Variants in DOK6 observed in about 807,000 individuals in gnomAD.
DOK6 encodes the protein docking protein 6, also known as downstream of tyrosine kinase 6.
Under a neutral mutation model 44.0 loss-of-function variants are expected in DOK6, and 22 were observed. The observed-to-expected ratio is 0.50, with a 90% CI of 0.36 to 0.71. The LOEUF (loss-of-function observed/expected upper bound fraction) is 0.71, where lower values mean the gene tolerates loss of function less well. DOK6 is among the 30% of genes least tolerant of loss of function. DOK6 has a pLI of 0.00. For synonymous variants in DOK6, 166 were observed against 145.5 expected (o/e 1.14, Z -1.01); for missense variants, 340 against 416.4 (o/e 0.82, Z 1.60).
intron 2 of DOK6, among the ~76,000 whole-genome samples, 194 bp downstream of exon 2, chr18:69,564,788 A>G (rs995198393): frequency 6.6e-6 from 1 of 152,156 alleles, no homozygotes; most frequent in African/African-American, 2.4e-5. Flanking sequence ...TCTGTGCAAA[A>G]CCAAAGACTC....
intron 7 of DOK6, among the ~76,000 whole-genome samples, chr18:69,772,326 A>C (rs566283039): frequency 7.2e-5 from 11 of 152,212 alleles, no homozygotes; most frequent in Non-Finnish European, 1.3e-4. Context: ...ATCCCCAAAA[A>C]AATCCCAAGG....
intron 2 of DOK6, among the ~76,000 whole-genome samples, chr18:69,569,608 G>A (rs12957120): frequency 6.6e-6 from 1 of 152,164 alleles, no homozygotes; most frequent in East Asian, 1.9e-4. Context: ...ATTAGAATGG[G>A]ATTTAAAACC....
chr18:69,725,468 C>T (rs755786685), intron 5 of DOK6, among the ~76,000 whole-genome samples: 1 of 152,098 alleles, frequency 6.6e-6, no homozygotes, highest in Non-Finnish European at 1.5e-5. Context: ...AAAGTGTGTT[C>T]ATTTTTATTT....
In DOK6 at chr18:69,774,133, G is replaced by GATATATATAGATATAT. The variant is rs1555670144; in HGVS notation, c.856+16269_856+16270insGATATATATATATATA. Reference sequence around the variant, plus strand: ...TAGATTTATATAGATATATATATGAGATATATATATATATATATATATAAT... The same window carrying GATATATATAGATATAT: ...TAGATTTATATAGATATATATATGAGATATATATAGATATATATATATATATATATATATATATAAT... On this transcript the variant is annotated intron_variant, in intron 7 of 7. Coordinates refer to ENST00000382713, the MANE Select transcript of DOK6 (RefSeq NM_152721.6). Among the ~76,000 whole-genome samples, 62 of 66,896 alleles carry GATATATATAGATATAT rather than the reference G, an allele frequency of 9.3e-4. 6 individuals carry two copies. In the East Asian group the frequency reaches 0.04, roughly 43 times the overall value. 43.9% of individuals were successfully genotyped at this position (66,896 alleles called of 152,430 possible). A position where few individuals can be genotyped will look rare whatever the true frequency, so the allele number is the denominator to read the frequency against.
chr18:69,834,884 T>A (rs537279233), intron 7 of DOK6, among the ~76,000 whole-genome samples: 1 of 152,266 alleles, frequency 6.6e-6, no homozygotes, highest in South Asian at 2.1e-4. Context: ...TGACTCACAG[T>A]TTTGCATGGC....
At chr18:69,627,695 C>T (rs369683771) in intron 3 of DOK6, among the ~76,000 whole-genome samples, 20 of 152,158 alleles carry the variant, frequency 1.3e-4, no homozygotes, top group Admixed American at 9.2e-4. Context: ...GTGATCCGCC[C>T]GCCTCGGCCT....
At chr18:69,566,209 C>A (rs1167946313) in intron 2 of DOK6, among the ~76,000 whole-genome samples, 1 of 152,140 alleles carries the variant, frequency 6.6e-6, no homozygotes. Context: ...GCGATCTCGG[C>A]TCACTGTAAG....
intron 3 of DOK6, among the ~76,000 whole-genome samples, chr18:69,608,565 G>A (rs772758373): frequency 3.9e-5 from 6 of 152,068 alleles, no homozygotes; most frequent in Non-Finnish European, 5.9e-5. Context: ...GAGAGGGATT[G>A]CACTGAATCT....
At chr18:69,679,753 T>A (rs1016417504) in intron 4 of DOK6, among the ~76,000 whole-genome samples, 1 of 152,360 alleles carries the variant, frequency 6.6e-6, no homozygotes, top group South Asian at 2.1e-4. Flanking sequence ...GAGATATATA[T>A]GGTTTCCATC....
At chr18:69,612,440 A>AC (rs1568311253) in intron 3 of DOK6, among the ~76,000 whole-genome samples, 28 of 146,854 alleles carry the variant, frequency 1.9e-4, no homozygotes, top group Admixed American at 4.7e-4. Flanking sequence ...CATGTGTGCG[A>AC]GGGCGCATGT....
At chr18:69,797,513 T>C (rs533300278) in intron 7 of DOK6, among the ~76,000 whole-genome samples, 1 of 152,276 alleles carries the variant, frequency 6.6e-6, no homozygotes, top group Non-Finnish European at 1.5e-5. Flanking sequence ...CAGTTTTTAG[T>C]CTACTAATTT....
chr18:69,730,534 G>A (rs1433336459), intron 5 of DOK6, among the ~76,000 whole-genome samples: 1 of 152,112 alleles, frequency 6.6e-6, no homozygotes, highest in Non-Finnish European at 1.5e-5. Context: ...TTGATAGGGA[G>A]ATATTTACTC....
intron 1 of DOK6, among the ~76,000 whole-genome samples, chr18:69,454,944 G>C (rs371585346): frequency 7.2e-6 from 1 of 139,836 alleles, no homozygotes; most frequent in East Asian, 2.2e-4. Context: ...AGCATTGGGA[G>C]ATATACCTAA....
chr18:69,528,556 T>C lies in DOK6; in HGVS notation c.67-35931T>C, dbSNP rs1226931300. Among the ~76,000 whole-genome samples, 3 of 150,174 alleles carry C rather than the reference T, an allele frequency of 2.0e-5. No homozygotes were observed. The East Asian group carries it at 5.8e-4, about 29-fold the overall frequency. ...GACTCATTGCTGGTAAGAATACTTCTCCTAAGGAAAGCTCTAATCTTGCCA... is the reference window on the plus strand; with the variant it reads ...GACTCATTGCTGGTAAGAATACTTCCCCTAAGGAAAGCTCTAATCTTGCCA... On this transcript the variant is annotated intron_variant, in intron 1 of 7. Transcript: ENST00000382713.
intron 3 of DOK6, among the ~76,000 whole-genome samples, chr18:69,638,001 T>C (rs1984848918): frequency 6.6e-6 from 1 of 152,166 alleles, no homozygotes; most frequent in Admixed American, 6.5e-5. Context: ...AGCGTCGTAC[T>C]CTAGGCCCAC....
chr18:69,488,971 A>C (rs965227075), intron 1 of DOK6, among the ~76,000 whole-genome samples: 1 of 152,240 alleles, frequency 6.6e-6, no homozygotes, highest in Non-Finnish European at 1.5e-5. Context: ...TGATTGGCTC[A>C]GCTCTTATTG....
At chr18:69,739,861 A>G (rs1978741707) in intron 6 of DOK6, among the ~76,000 whole-genome samples, 1 of 152,136 alleles carries the variant, frequency 6.6e-6, no homozygotes, top group Admixed American at 6.5e-5. Flanking sequence ...GGAAGCATCT[A>G]TAATTCTCTT....
At chr18:69,611,495 T>TACACACACACACACACACACACAC (rs58620722) in intron 3 of DOK6, among the ~76,000 whole-genome samples, 1 of 150,802 alleles carries the variant, frequency 6.6e-6, no homozygotes, top group Non-Finnish European at 1.5e-5. Flanking sequence ...CAAGTACACG[T>TACACACACACACACACACACACAC]ACACACACAC....
rs529213613 is a variant in DOK6 at position 69,568,349 on chromosome 18, T to A, written c.174+3755T>A. Among the ~76,000 whole-genome samples, 15 of 152,322 alleles carry A rather than the reference T, an allele frequency of 9.8e-5. 1 individual carries two copies. Among genetic ancestry groups the A allele is most frequent in the Middle Eastern group, 3.4e-3 (1 of 294 alleles). On this transcript the variant is annotated intron_variant, in intron 2 of 7. Transcript: ENST00000382713. ...TCCGATCCTGCTGAGTCATGCAGGA[T>A]GTTTACCTCGGCCTGTACTTGACCA...
Sources: gnomAD v4.1 joint callset for allele counts (sites outside exome capture counted in the v4.1 genomes callset) on GRCh38, gnomAD v4.1.1 for gene constraint, MANE v1.5 for transcripts, NCBI Gene and HGNC (gene_info 2026-07-23, HGNC 2026-07-21) for gene names.